The following CCDC74B variants were observed in gnomAD, a reference collection of about 807,000 sequenced individuals.
The protein encoded by CCDC74B is coiled-coil domain containing 74B, also known as coiled-coil domain-containing protein 74B.
CCDC74B carries 34 observed loss-of-function variants against 38.0 expected under a neutral mutation model. That is an observed-to-expected ratio of 0.89 (90% CI 0.68 to 1.19). The LOEUF is 1.19. Ranked by LOEUF, CCDC74B falls within the 50% of genes most tolerant of loss-of-function variation. CCDC74B has a pLI of 0.00. For synonymous variants in CCDC74B, 132 were observed against 170.4 expected, an observed-to-expected ratio of 0.77 and a Z score of 1.76; for missense variants, 358 against 406.0, an observed-to-expected ratio of 0.88 and a Z score of 1.02.
chr2:130,142,086 C>T, intron 3 of CCDC74B, 47 bp downstream of exon 3: 1 of 1,598,544 alleles, frequency 6.3e-7, no homozygotes, highest in South Asian at 1.1e-5. Context: ...GCTGGGGTCC[C>T]CGTGGGGCAC....
rs1685947673 is a variant in CCDC74B, at chr2:130,144,967, C to T, written c.30G>A (p.Thr10=). Reference sequence around the variant, plus strand: ...CCGGGGTCGGCGAGCTGGGGGGCCGCGTCCCAGCCGCCACCCCCGCACCGC... The same window carrying T: ...CCGGGGTCGGCGAGCTGGGGGGCCGTGTCCCAGCCGCCACCCCCGCACCGC... The part of the protein sequence containing the change: MSGAGVAAG[T]RPPSSPTPGS... Residue 10 remains threonine, a synonymous_variant, in exon 1 of 8, where the codon ACG becomes ACA. Transcript: ENST00000409943. The T allele has an allele frequency of 6.8e-7, 1 of 1,477,778 alleles. No individual in the cohort carries two copies. Among genetic ancestry groups the T allele is most frequent in the Non-Finnish European group, 9.0e-7 (1 of 1,116,132 alleles). 91.5% of individuals were successfully genotyped at this position (1,477,778 alleles called of 1,614,324 possible).
Position 130,140,013 on chromosome 2 carries a change from A to C in CCDC74B, c.752+10T>G. On this transcript the variant is annotated intron_variant, in intron 6 of 7. Coordinates refer to ENST00000409943, the MANE Select transcript of CCDC74B (RefSeq NM_001258307.2). ...CCCAGGGATGGGGCAGGGGTGCACC[A>C]GGCACTCACCTGGGAAAGCTAGCTT... 3 of 1,603,124 alleles carry C rather than the reference A, an allele frequency of 1.9e-6. No homozygotes were observed. Among genetic ancestry groups the C allele is most frequent in the Middle Eastern group, 1.7e-4 (1 of 5,758 alleles).
At chr2:130,139,987 C>T (rs750493358) in intron 6 of CCDC74B, 36 bp downstream of exon 6, 2 of 1,600,230 alleles carry the variant, frequency 1.2e-6, no homozygotes, top group African/African-American at 1.3e-5. Flanking sequence ...GTGGATAGGC[C>T]CCCAGGGATG....
intron 1 of CCDC74B, among the ~76,000 whole-genome samples, chr2:130,143,587 A>G (rs140356724): frequency 0.014 from 2,165 of 152,330 alleles, 33 homozygotes; most frequent in Non-Finnish European, 0.019. Flanking sequence ...GCCAGGCAGA[A>G]CCTGGGCTTT....
intron 1 of CCDC74B, among the ~76,000 whole-genome samples, chr2:130,143,730 C>CG (rs1685828169): frequency 6.6e-6 from 1 of 151,732 alleles, no homozygotes; most frequent in South Asian, 2.1e-4. Flanking sequence ...CATGGGGAAG[C>CG]GGGGTCCTGA....
chr2:130,144,093 TGC>T (rs1685862118), intron 1 of CCDC74B, among the ~76,000 whole-genome samples: 1 of 152,168 alleles, frequency 6.6e-6, no homozygotes, highest in Admixed American at 6.5e-5. Flanking sequence ...TTCACTGAGC[TGC>T]GCACTCGCAC....
chr2:130,142,911 G>A, intron 2 of CCDC74B: 1 of 1,550,404 alleles, frequency 6.4e-7, no homozygotes, highest in East Asian at 2.4e-5. Flanking sequence ...TGGAGATCCT[G>A]GGCCTGGCCA....
rs1281126229 is a variant in CCDC74B, at chr2:130,143,296, T to C, written c.268A>G (p.Ile90Val). Residue 90 changes from isoleucine to valine, a missense_variant, in exon 2 of 8, where the codon ATA becomes GTA. Transcript: ENST00000409943. ...RENKDLRYKLIMNQTSQKKDS... is the reference protein window; with the variant it reads ...RENKDLRYKLVMNQTSQKKDS... ...TTCTTCTGTGATGTCTGATTCATTA[T>C]GAGCTTGTAACGGAGATCTGAAAGC... The C allele has an allele frequency of 1.2e-6, 2 of 1,613,818 alleles. No individual in the cohort carries two copies. Among genetic ancestry groups the C allele is most frequent in the South Asian group, 1.1e-5 (1 of 91,080 alleles).
At chr2:130,140,488 T>C in intron 4 of CCDC74B, 117 bp from the exon 5 acceptor site, 1 of 1,186,494 alleles carries the variant, frequency 8.4e-7, no homozygotes, top group Non-Finnish European at 1.2e-6. Context: ...CTGGTTCCCC[T>C]CTCCCACTGA....
At chr2:130,144,241 G>T (rs1558726038) in intron 1 of CCDC74B, 1 of 376,628 alleles carries the variant, frequency 2.7e-6, no homozygotes, top group Non-Finnish European at 5.2e-6. Flanking sequence ...CCGGGTTCAC[G>T]CCATTCTCCT....
Position 130,139,801 on chromosome 2 carries a change from G to A in CCDC74B, c.809+90C>T, listed in dbSNP as rs555755677. ...GCACAGAGAGGCCTCAGCGAGCTCC[G>A]CTTCTGCGCTGCCACGCTCCCTTCC... On this transcript the variant is annotated intron_variant, in intron 7 of 7. Transcript: ENST00000409943. 3.5e-4 allele frequency: 570 copies of A among 1,608,252 alleles called. 8 individuals carry two copies. In the South Asian group the frequency reaches 5.6e-3, roughly 16 times the overall value.
chr2:130,145,052 C>T lies in CCDC74B; in HGVS notation c.-56G>A, dbSNP rs560403666. On this transcript the variant is annotated 5_prime_UTR_variant, in exon 1 of 8. Transcript: ENST00000409943. ...ACTGCACCCCGGCTCAGTGGCCAGGCCGCCCTAGCCTGGCGCCCCGTCACC... is the reference window on the plus strand; with the variant it reads ...ACTGCACCCCGGCTCAGTGGCCAGGTCGCCCTAGCCTGGCGCCCCGTCACC... 8.7e-5 allele frequency: 122 copies of T among 1,400,828 alleles called. 1 individual carries two copies. In the African/African-American group the frequency reaches 1.6e-3, roughly 19 times the overall value. 86.8% of individuals were successfully genotyped at this position (1,400,828 alleles called of 1,614,324 possible).
At chr2:130,139,713 T>C in intron 7 of CCDC74B, 23 bp from the exon 8 acceptor site, 1 of 1,612,218 alleles carries the variant, frequency 6.2e-7, no homozygotes, top group Non-Finnish European at 8.5e-7. Context: ...AGAGGGACTG[T>C]CACCGTGAGC....
In CCDC74B at chr2:130,145,061, C is replaced by T; in HGVS notation, c.-65G>A. ...CGGCTCAGTGGCCAGGCCGCCCTAG[C>T]CTGGCGCCCCGTCACCATGGAAACC... On this transcript the variant is annotated 5_prime_UTR_variant, in exon 1 of 8. Transcript: ENST00000409943. The T allele has an allele frequency of 7.1e-7, 1 of 1,401,578 alleles. No individual in the cohort carries two copies. The highest frequency in any genetic ancestry group is 1.6e-5 in the South Asian group (1 of 62,694). The allele number at this position is 1,401,578 out of a possible 1,614,324, so 86.8% of individuals were successfully genotyped here. A position where few individuals can be genotyped will look rare whatever the true frequency, so the allele number is the denominator to read the frequency against.
Position 130,139,594 on chromosome 2 carries a change from C to T in CCDC74B, c.906G>A (p.Gln302=). ...GATGCAGGCGCCGTTTCTGCATTGC[C>T]TGCAGCCTCTTCTGCCTCTCGGCAA... The part of the protein sequence containing the change: ...NNFAERQKRL[Q]AMQKRRLHRS... Residue 302 remains glutamine, a synonymous_variant, in exon 8 of 8, where the codon CAG becomes CAA. Transcript: ENST00000409943. 1 of 1,613,396 alleles carries T rather than the reference C, an allele frequency of 6.2e-7. No individual in the cohort carries two copies. The highest frequency in any genetic ancestry group is 8.5e-7 in the Non-Finnish European group (1 of 1,180,000).
rs963212504 is a variant in CCDC74B at position 130,139,794 on chromosome 2, G to A, written c.809+97C>T. 2.2e-5 allele frequency: 35 copies of A among 1,607,390 alleles called. 2 individuals carry two copies. The South Asian group carries it at 2.9e-4, about 13-fold the overall frequency. ...CACGGGGGCACAGAGAGGCCTCAGC[G>A]AGCTCCGCTTCTGCGCTGCCACGCT... is the stretch of plus-strand genomic sequence containing the variant. On this transcript the variant is annotated intron_variant, in intron 7 of 7. Coordinates refer to ENST00000409943, the MANE Select transcript of CCDC74B (RefSeq NM_001258307.2).
Position 130,140,213 on chromosome 2 carries a change from T to C in CCDC74B, c.644A>G (p.Glu215Gly), listed in dbSNP as rs138104719. 5.3e-3 allele frequency: 8,510 copies of C among 1,613,050 alleles called. 358 individuals carry two copies. The African/African-American group carries it at 0.096, about 18-fold the overall frequency. Reference sequence around the variant, plus strand: ...CTGCAGGAGGTTGGTATTCCACAGCTCGCGGATGAGCACTTCGCACTGCCT... The same window carrying C: ...CTGCAGGAGGTTGGTATTCCACAGCCCGCGGATGAGCACTTCGCACTGCCT... ...TLRQCEVLIR[E>G]LWNTNLLQTQ... The change falls in exon 5 of 8, where the codon GAG becomes GGG. Residue 215 changes from glutamate (E) to glycine (G), a missense_variant. By Grantham distance (98) the Glu-to-Gly change is moderately conservative. This residue lies in a region of CCDC74B where 213 missense variants were observed against 212.3 expected (regional missense o/e 1.00). Transcript: ENST00000409943.
rs752217193 is a variant in CCDC74B, at chr2:130,140,360, G to A, written c.497C>T (p.Ala166Val). The change falls in exon 5 of 8, where the codon GCA becomes GTA. Residue 166 changes from alanine (A) to valine (V), a missense_variant. Around this residue, in one of 3 missense-constraint regions of CCDC74B, gnomAD observed 213 missense variants for 212.3 expected, o/e 1.00. Transcript: ENST00000409943. ...GVQGQARKEKAEASNAGAACM... is the reference protein window; with the variant it reads ...GVQGQARKEKVEASNAGAACM... Reference sequence around the variant, plus strand: ...GGCAGCTCCTGCGTTAGAGGCCTCTGCTTTCTCCTTTCTGAAACAGTCATT... The same window carrying A: ...GGCAGCTCCTGCGTTAGAGGCCTCTACTTTCTCCTTTCTGAAACAGTCATT... The A allele has an allele frequency of 6.3e-7, 1 of 1,580,344 alleles. No homozygotes were observed. The highest frequency in any genetic ancestry group is 8.6e-7 in the Non-Finnish European group (1 of 1,164,512).
rs766166994 is a variant in CCDC74B, at chr2:130,141,285, G to A, written c.358C>T (p.Pro120Ser). ...KSISNSGKAR[P>S]QPGSFNKQDS... ...TGCTTGTTGAAGGAGCCGGGCTGGG[G>A]CCTGGCCTTGCCTTGAGAGTTGGCT... is the stretch of plus-strand genomic sequence containing the variant. The change falls in exon 4 of 8, where the codon CCC becomes TCC. Residue 120 changes from proline to serine, a missense_variant. Transcript: ENST00000409943. 3 of 1,609,258 alleles carry A rather than the reference G, an allele frequency of 1.9e-6. No individual in the cohort carries two copies. Among genetic ancestry groups the A allele is most frequent in the Admixed American group, 1.7e-5 (1 of 59,702 alleles).
Sources: gnomAD v4.1 joint callset for allele counts (sites outside exome capture counted in the v4.1 genomes callset) on GRCh38, gnomAD v4.1.1 for gene constraint, gnomAD v4.1.1 regional missense constraint, MANE v1.5 for transcripts, NCBI Gene and HGNC (gene_info 2026-07-23, HGNC 2026-07-21) for gene names.